SIRPA: variants seen among roughly 807,000 people sequenced by gnomAD.
SIRPA encodes tyrosine-protein phosphatase non-receptor type substrate 1.
A neutral mutation model predicts 50.3 loss-of-function variants in SIRPA; 9 were observed. The observed-to-expected ratio is 0.18, with a 90% CI of 0.11 to 0.31. The LOEUF is 0.31. SIRPA is among the 10% of genes least tolerant of loss of function. The pLI is 1.00. For missense variants in SIRPA, 474 were observed against 661.6 expected (o/e 0.72, Z 3.11); for synonymous variants, 265 against 284.1 (o/e 0.93, Z 0.68).
At chr20:1,902,095 G>T (rs2122990658) in intron 1 of SIRPA, among the ~76,000 whole-genome samples, 1 of 152,330 alleles carries the variant, frequency 6.6e-6, no homozygotes, top group South Asian at 2.1e-4. Context: ...TATGCAAAAT[G>T]AGAAGGAATG....
rs1986747624 is a variant in SIRPA at position 1,939,012 on chromosome 20, A to G, written c.*1444A>G. ...GATCAAACTGGAATAAATTGAAGAC[A>G]GCCAGGGGGATGGTGCAGCTGTGAA... is the stretch of plus-strand genomic sequence containing the variant. On this transcript the variant is annotated 3_prime_UTR_variant, in exon 8 of 8. Coordinates refer to ENST00000358771, the MANE Select transcript of SIRPA (RefSeq NM_001040023.2). The surrounding 1 kb of genome is among the most constrained non-coding windows in gnomAD (Gnocchi z 4.7). 6.5e-6 allele frequency: 1 copy of G among 152,698 alleles called. No homozygotes were observed. Among genetic ancestry groups the G allele is most frequent in the Non-Finnish European group, 1.5e-5 (1 of 68,064 alleles). 9.5% of individuals were successfully genotyped at this position (152,698 alleles called of 1,614,324 possible).
At chr20:1,894,340 A>G (rs1983626975), upstream of SIRPA, 1 of 150,490 alleles carries the variant, frequency 6.6e-6, no homozygotes, top group Admixed American at 6.6e-5. This position sits in a 1 kb window ranked among gnomAD's most constrained non-coding sequence, Gnocchi z 4.0. Context: ...GCGCGGCCGG[A>G]GTCCGGAGGC....
chr20:1,926,898 T>C (rs779784526), intron 5 of SIRPA, among the ~76,000 whole-genome samples: 10 of 152,204 alleles, frequency 6.6e-5, no homozygotes, highest in Non-Finnish European at 1.5e-4. Flanking sequence ...AATGTCCTGA[T>C]TTCAACTCAA....
At position 1,924,781 on chromosome 20, in the gene SIRPA, G is replaced by A; in HGVS notation, c.1105G>A (p.Glu369Lys). Residue 369 changes from glutamate to lysine, a missense_variant, in exon 5 of 8, where the codon GAA becomes AAA. By Grantham distance (56) the Glu-to-Lys change is moderately conservative. This residue lies in a region of SIRPA where 180 missense variants were observed against 206.7 expected (regional missense o/e 0.87). Transcript: ENST00000358771. The surrounding 1 kb of genome is among the most constrained non-coding windows in gnomAD (Gnocchi z 4.5). ...NTAAENTGSN[E>K]RNIYIVVGVV... ...GTCCCTAGAGAACACTGGATCTAAT[G>A]AACGGAACATCTATATTGTGGTGGG... 1 of 1,614,108 alleles carries A rather than the reference G, an allele frequency of 6.2e-7. No individual in the cohort carries two copies. Among genetic ancestry groups the A allele is most frequent in the South Asian group, 1.1e-5 (1 of 91,076 alleles).
chr20:1,897,636 T>C (rs1335126327), intron 1 of SIRPA, among the ~76,000 whole-genome samples: 1 of 152,164 alleles, frequency 6.6e-6, no homozygotes, highest in Non-Finnish European at 1.5e-5. Context: ...AATGTCAGGT[T>C]TAGGAAGGCG....
intron 1 of SIRPA, among the ~76,000 whole-genome samples, chr20:1,909,329 G>T (rs1457130990): frequency 6.6e-6 from 1 of 152,212 alleles, no homozygotes; most frequent in Non-Finnish European, 1.5e-5. Context: ...GTGAGCACCC[G>T]CCTGGGCAAG....
In SIRPA at chr20:1,934,665, C is replaced by T. The variant is rs201132992; in HGVS notation, c.1227-50C>T. On this transcript the variant is annotated intron_variant, in intron 6 of 7. Transcript: ENST00000358771. The surrounding 1 kb of genome is among the most constrained non-coding windows in gnomAD (Gnocchi z 4.6). ...TGTTATTCTTATCAGTTTGCATGAGCACTTGAGATAGTGAGGGTATTTTTA... is the reference window on the plus strand; with the variant it reads ...TGTTATTCTTATCAGTTTGCATGAGTACTTGAGATAGTGAGGGTATTTTTA... The T allele has an allele frequency of 2.5e-6, 4 of 1,575,572 alleles. No homozygotes were observed. The highest frequency in any genetic ancestry group is 3.5e-6 in the Non-Finnish European group (4 of 1,145,196).
At chr20:1,907,481 T>C (rs1459318713) in intron 1 of SIRPA, among the ~76,000 whole-genome samples, 1 of 152,200 alleles carries the variant, frequency 6.6e-6, no homozygotes, top group Admixed American at 6.5e-5. Flanking sequence ...CTACCCTGAG[T>C]CCTGTCACCT....
At position 1,937,405 on chromosome 20, in the gene SIRPA, C is replaced by A. The variant is rs527874912; in HGVS notation, c.1352C>A (p.Thr451Lys). 1.2e-6 allele frequency: 2 copies of A among 1,614,118 alleles called. No homozygotes were observed. Among genetic ancestry groups the A allele is most frequent in the Non-Finnish European group, 1.7e-6 (2 of 1,180,006 alleles). ...CAGGCTGCGGAGCCCAACAACCACA[C>A]GGAGTATGCCAGCATTCAGACCAGC... ...APQAAEPNNH[T>K]EYASIQTSPQ... is the part of the protein sequence containing the mutation. Residue 451 changes from threonine (T) to lysine (K), a missense_variant, in exon 8 of 8, where the codon ACG becomes AAG. By Grantham distance (78) the Thr-to-Lys change is moderately conservative (BLOSUM62 -1). Transcript: ENST00000358771. The surrounding 1 kb of genome is among the most constrained non-coding windows in gnomAD (Gnocchi z 8.3).
intron 1 of SIRPA, among the ~76,000 whole-genome samples, chr20:1,905,355 G>A (rs1271647819): frequency 1.3e-5 from 2 of 152,176 alleles, no homozygotes; most frequent in African/African-American, 4.8e-5. Flanking sequence ...CTCCAGTGTT[G>A]GAATCCCACC....
chr20:1,921,260 C>T, intron 2 of SIRPA, 135 bp from the exon 3 acceptor site: 2 of 1,472,854 alleles, frequency 1.4e-6, no homozygotes, highest in Admixed American at 2.0e-5. Context: ...AATAAGGACA[C>T]CGCCCTCATT....
chr20:1,897,428 G>A (rs1383384977), intron 1 of SIRPA, among the ~76,000 whole-genome samples: 1 of 152,210 alleles, frequency 6.6e-6, no homozygotes. Flanking sequence ...GTTCTTCGGG[G>A]TCCTGGTCAC....
At chr20:1,901,173 T>C (rs1391847435) in intron 1 of SIRPA, among the ~76,000 whole-genome samples, 1 of 130,842 alleles carries the variant, frequency 7.6e-6, no homozygotes, top group Non-Finnish European at 1.6e-5. Flanking sequence ...CTTTTTTTTT[T>C]TTTTTTTTTT....
At chr20:1,914,869 C>T (rs1257714677) in intron 1 of SIRPA, among the ~76,000 whole-genome samples, 1 of 152,120 alleles carries the variant, frequency 6.6e-6, no homozygotes, top group East Asian at 1.9e-4. Flanking sequence ...GCATTCAAAC[C>T]CACTCTCTGC....
intron 6 of SIRPA, among the ~76,000 whole-genome samples, chr20:1,929,332 G>T (rs1202995765): frequency 6.6e-6 from 1 of 152,108 alleles, no homozygotes; most frequent in Non-Finnish European, 1.5e-5. Flanking sequence ...GGTGGGATGG[G>T]CTGAGAAGTG....
chr20:1,896,488 G>C (rs1568490776), intron 1 of SIRPA, among the ~76,000 whole-genome samples: 1 of 151,996 alleles, frequency 6.6e-6, no homozygotes, highest in Non-Finnish European at 1.5e-5. Flanking sequence ...CATTAAGGGA[G>C]TTGGGAGGGA....
chr20:1,937,600 C>G lies in SIRPA; in HGVS notation c.*32C>G. The G allele has an allele frequency of 6.2e-7, 1 of 1,604,860 alleles. No individual in the cohort carries two copies. The highest frequency in any genetic ancestry group is 8.5e-7 in the Non-Finnish European group (1 of 1,173,464). On this transcript the variant is annotated 3_prime_UTR_variant, in exon 8 of 8. Transcript: ENST00000358771. The surrounding 1 kb of genome is among the most constrained non-coding windows in gnomAD (Gnocchi z 8.3). ...CCGTGGTTTGCTCTAGCACCCATCT[C>G]TACGCGCTTTCTTGTCCCACAGGGA...
chr20:1,913,723 G>A (rs1372305363), intron 1 of SIRPA, among the ~76,000 whole-genome samples: 1 of 152,170 alleles, frequency 6.6e-6, no homozygotes, highest in African/African-American at 2.4e-5. Context: ...AGGTCTTTAT[G>A]ATCATGATCT....
intron 1 of SIRPA, among the ~76,000 whole-genome samples, chr20:1,909,748 C>T (rs1984775675): frequency 6.6e-6 from 1 of 152,314 alleles, no homozygotes; most frequent in South Asian, 2.1e-4. Context: ...TGCCATTGCA[C>T]TCCAGCCTGG....
Sources: allele counts gnomAD v4.1 joint callset (sites outside exome capture counted in the v4.1 genomes callset), GRCh38; gene constraint gnomAD v4.1.1; regional missense constraint gnomAD v4.1.1; non-coding constraint Gnocchi (gnomAD v3.1); transcripts MANE v1.5; gene names NCBI Gene and HGNC (gene_info 2026-07-23, HGNC 2026-07-21).